The following CAPN8 variants were observed in gnomAD, a reference collection of about 807,000 sequenced individuals.
CAPN8 encodes the protein calpain 8.
CAPN8 carries 87 observed loss-of-function variants against 80.9 expected under a neutral mutation model. The ratio of observed to expected loss-of-function variants is 1.07; its 90% confidence interval spans 0.90 to 1.28. The LOEUF is 1.28. Ranked by LOEUF, CAPN8 falls within the 50% of genes most tolerant of loss-of-function variation. The pLI is 0.00. For missense variants in CAPN8, 757 were observed against 702.0 expected (o/e 1.08, Z -0.89); for synonymous variants, 299 against 273.8 (o/e 1.09, Z -0.91).
At chr1:223,656,921 T>A (rs1658509740) in intron 1 of CAPN8, among the ~76,000 whole-genome samples, 1 of 152,050 alleles carries the variant, frequency 6.6e-6, no homozygotes, top group African/African-American at 2.4e-5. Flanking sequence ...CCTGACCTCG[T>A]GATCCGCCCG....
intron 8 of CAPN8, among the ~76,000 whole-genome samples, chr1:223,619,755 T>C (rs558912815): frequency 6.6e-6 from 1 of 152,298 alleles, no homozygotes; most frequent in East Asian, 1.9e-4. Context: ...TGCCTCTAGA[T>C]TGGGTTAAGT....
chr1:223,547,601 G>A (rs565268043), intron 16 of CAPN8, among the ~76,000 whole-genome samples: 55 of 152,290 alleles, frequency 3.6e-4, no homozygotes, highest in Non-Finnish European at 6.9e-4. Flanking sequence ...AAATGAGTAC[G>A]CTGTATGGTG....
rs950638489 is a variant in CAPN8 at position 223,543,159 on chromosome 1, G to A, written c.2037C>T (p.Phe679=). 1 of 1,551,548 alleles carries A rather than the reference G, an allele frequency of 6.4e-7. No homozygotes were observed. Among genetic ancestry groups the A allele is most frequent in the African/African-American group, 1.4e-5 (1 of 73,050 alleles). ...MIRLETLFKL[F]SLLDEDKDGM... is the part of the protein sequence containing the mutation. ...CATCCTTGTCTTCGTCCAGAAGGCT[G>A]AATAGTTCTAAAACACCAGAGAAGG... is the stretch of plus-strand genomic sequence containing the variant. The change falls in exon 20 of 21, where the codon TTC becomes TTT. Residue 679 remains phenylalanine, a synonymous_variant. Coordinates refer to ENST00000366872, the MANE Select transcript of CAPN8 (RefSeq NM_001143962.2).
At chr1:223,639,019 C>T (rs1657980048) in intron 2 of CAPN8, among the ~76,000 whole-genome samples, 1 of 152,184 alleles carries the variant, frequency 6.6e-6, no homozygotes, top group Admixed American at 6.5e-5. Context: ...GTGGGTGGAT[C>T]ACCTGAGGTC....
chr1:223,642,631 AACAGGAAAGGC>A (rs1398759301), intron 2 of CAPN8: 3 of 370,178 alleles, frequency 8.1e-6, no homozygotes, highest in African/African-American at 6.4e-5. Context: ...CAGAGGAAAG[AACAGGAAAGGC>A]TGACGGGTCA....
At chr1:223,638,375 G>A (rs1657965059) in intron 2 of CAPN8, among the ~76,000 whole-genome samples, 1 of 151,900 alleles carries the variant, frequency 6.6e-6, no homozygotes, top group Non-Finnish European at 1.5e-5. Flanking sequence ...GTGTGTGTGT[G>A]TGTATGTGGT....
At chr1:223,618,147 G>C in intron 9 of CAPN8, 6 of 1,370,442 alleles carry the variant, frequency 4.4e-6, no homozygotes, top group Non-Finnish European at 6.0e-6. Flanking sequence ...AAACCAGGCA[G>C]GGAACATGGG....
intron 11 of CAPN8, among the ~76,000 whole-genome samples, chr1:223,610,674 AGT>A (rs1450348583): frequency 6.6e-6 from 1 of 152,132 alleles, no homozygotes; most frequent in East Asian, 1.9e-4. Flanking sequence ...TGGGGGCCAG[AGT>A]GGGAACTGGA....
intron 20 of CAPN8, 33 bp downstream of exon 20, chr1:223,543,075 A>G: frequency 1.3e-6 from 2 of 1,551,050 alleles, no homozygotes; most frequent in Non-Finnish European, 1.7e-6. Flanking sequence ...GAGTACCATC[A>G]GCCAGCAATT....
At chr1:223,648,215 C>T (rs1448128747) in intron 2 of CAPN8, among the ~76,000 whole-genome samples, 1 of 152,202 alleles carries the variant, frequency 6.6e-6, no homozygotes, top group Non-Finnish European at 1.5e-5. Context: ...AAACGATGCG[C>T]CGATGCGCCG....
chr1:223,632,119 T>C (rs569510057), intron 2 of CAPN8, among the ~76,000 whole-genome samples: 1 of 152,332 alleles, frequency 6.6e-6, no homozygotes, highest in African/African-American at 2.4e-5. Context: ...TCACAGGGTC[T>C]ACCCAGCTCT....
rs911329511 is a variant in CAPN8 at position 223,612,276 on chromosome 1, G to A, written c.1312-19C>T. On this transcript the variant is annotated intron_variant, in intron 10 of 20. Coordinates refer to ENST00000366872, the MANE Select transcript of CAPN8 (RefSeq NM_001143962.2). ...TGGGAACCTGTGGGGCAGAAGAAAAGAGCAGGTCACCTGAGAGCTCCAAGG... is the reference window on the plus strand; with the variant it reads ...TGGGAACCTGTGGGGCAGAAGAAAAAAGCAGGTCACCTGAGAGCTCCAAGG... The A allele has an allele frequency of 8.1e-7, 1 of 1,234,214 alleles. No individual in the cohort carries two copies. The highest frequency in any genetic ancestry group is 4.2e-5 in the Admixed American group (1 of 23,716). 76.5% of individuals were successfully genotyped at this position (1,234,214 alleles called of 1,614,324 possible). A position where few individuals can be genotyped will look rare whatever the true frequency, so the allele number is the denominator to read the frequency against.
chr1:223,646,077 G>A (rs1328079634), intron 2 of CAPN8, among the ~76,000 whole-genome samples: 1 of 152,204 alleles, frequency 6.6e-6, no homozygotes, highest in Non-Finnish European at 1.5e-5. Flanking sequence ...CTGCCAGCTG[G>A]TGAGGGATTG....
At chr1:223,611,080 G>A (rs556866224) in intron 11 of CAPN8, among the ~76,000 whole-genome samples, 101 of 152,308 alleles carry the variant, frequency 6.6e-4, no homozygotes, top group African/African-American at 2.1e-3. Context: ...GCACTGTGAG[G>A]TGCTGCTGGA....
chr1:223,610,377 T>G (rs1038517339), intron 11 of CAPN8, among the ~76,000 whole-genome samples: 1 of 152,146 alleles, frequency 6.6e-6, no homozygotes, highest in African/African-American at 2.4e-5. Context: ...ACCCGGCCAC[T>G]AGGGTGCCCA....
rs767090531 is a variant in CAPN8 at position 223,549,395 on chromosome 1, A to G, written c.1700-13T>C. On this transcript the variant is annotated splice_polypyrimidine_tract_variant and intron_variant, in intron 15 of 20. Transcript: ENST00000366872. ...TTTATGTCTGTTCCTAAAGATTTAA[A>G]TAGAAAAGGGGAGTGGGAATCGGAT... 1 of 1,551,802 alleles carries G rather than the reference A, an allele frequency of 6.4e-7. No individual in the cohort carries two copies. Among genetic ancestry groups the G allele is most frequent in the South Asian group, 1.2e-5 (1 of 84,058 alleles).
chr1:223,642,675 TGCC>T, intron 2 of CAPN8: 1 of 396,722 alleles, frequency 2.5e-6, no homozygotes, highest in South Asian at 1.9e-5. Context: ...AAGCCATTTT[TGCC>T]TTACCTTCTA....
At chr1:223,656,686 T>TGG (rs769595966) in intron 1 of CAPN8, among the ~76,000 whole-genome samples, 1 of 132,740 alleles carries the variant, frequency 7.5e-6, no homozygotes, top group African/African-American at 2.8e-5. Flanking sequence ...GTTTTGTTTT[T>TGG]TTTTTTTTTT....
chr1:223,646,396 G>C (rs915142153), intron 2 of CAPN8, among the ~76,000 whole-genome samples: 2 of 152,230 alleles, frequency 1.3e-5, no homozygotes, highest in African/African-American at 4.8e-5. Flanking sequence ...GCCAGTCCCA[G>C]ATGCTGATGC....
Sources: allele counts gnomAD v4.1 joint callset (sites outside exome capture counted in the v4.1 genomes callset), GRCh38; gene constraint gnomAD v4.1.1; transcripts MANE v1.5; gene names NCBI Gene and HGNC (gene_info 2026-07-23, HGNC 2026-07-21).